Variants in IPO11 observed in about 807,000 individuals in gnomAD.
The protein encoded by IPO11 is importin-11.
A neutral mutation model predicts 143.2 loss-of-function variants in IPO11; 66 were observed. The observed-to-expected ratio is 0.46, with a 90% CI of 0.38 to 0.57. The LOEUF is 0.57. Ranked by LOEUF, IPO11 falls within the 20% of genes least tolerant of loss-of-function variation. The pLI, the probability that IPO11 is intolerant of heterozygous loss-of-function variation, is 0.00. For missense variants in IPO11, 1,026 were observed against 1,141.0 expected (o/e 0.90, Z 1.45); for synonymous variants, 385 against 377.8 (o/e 1.02, Z -0.22).
At chr5:62,413,397 A>G (rs1199481342) in intron 1 of IPO11, 1 of 152,220 alleles carries the variant, frequency 6.6e-6, no homozygotes, top group Non-Finnish European at 1.5e-5. Flanking sequence ...CTTTTAATGA[A>G]AAAGTGAAGG....
At chr5:62,453,676 T>C (rs922803611) in intron 5 of IPO11, among the ~76,000 whole-genome samples, 3 of 152,192 alleles carry the variant, frequency 2.0e-5, no homozygotes, top group East Asian at 1.9e-4. Flanking sequence ...CAATCTGTTA[T>C]ACACAGACTG....
rs1015029424 is a variant in IPO11 at position 62,610,492 on chromosome 5, C to A, written c.2763+8644C>A. Among the ~76,000 whole-genome samples, 5 of 152,242 alleles carry A rather than the reference C, an allele frequency of 3.3e-5. No homozygotes were observed. The South Asian group carries it at 1.0e-3, about 32-fold the overall frequency. ...GTTGTCACTGGTTTGTTGTCACTTA[C>A]GTGTTGGTTATCACATATCACATAT... On this transcript the variant is annotated intron_variant, in intron 29 of 29. Transcript: ENST00000325324.
At chr5:62,475,667 C>T (rs1429427878) in intron 8 of IPO11, among the ~76,000 whole-genome samples, 1 of 152,154 alleles carries the variant, frequency 6.6e-6, no homozygotes, top group Non-Finnish European at 1.5e-5. Context: ...ACTCTTTTCG[C>T]TTTTAGTATT....
At chr5:62,576,248 C>G (rs972332534) in intron 27 of IPO11, 2 of 157,464 alleles carry the variant, frequency 1.3e-5, no homozygotes, top group African/African-American at 4.8e-5. Context: ...CAAAAATGGC[C>G]TTGGATGACA....
In IPO11 at chr5:62,451,881, C is replaced by T. The variant is rs1398152593; in HGVS notation, c.464C>T (p.Thr155Ile). The change falls in exon 5 of 30, where the codon ACC (threonine) becomes ATC (isoleucine). Residue 155 changes from threonine (T) to isoleucine (I), a missense_variant. Coordinates refer to ENST00000325324, the MANE Select transcript of IPO11 (RefSeq NM_016338.5). ...HRALLTFYHV[T>I]KTLASKRLAA... ...GCATTACTTACCTTCTATCATGTTA[C>T]CAAGACACTGGCATCTAAACGACTT... is the stretch of plus-strand genomic sequence containing the variant. 6.2e-7 allele frequency: 1 copy of T among 1,614,074 alleles called. No homozygotes were observed. Among genetic ancestry groups the T allele is most frequent in the Non-Finnish European group, 8.5e-7 (1 of 1,179,926 alleles).
chr5:62,534,703 T>C (rs1742675766), intron 22 of IPO11, among the ~76,000 whole-genome samples: 2 of 152,178 alleles, frequency 1.3e-5, no homozygotes, highest in Non-Finnish European at 2.9e-5. Context: ...TGAGGGACTT[T>C]CCTTTGCATT....
Position 62,561,172 on chromosome 5 carries a change from G to T in IPO11, c.2497G>T (p.Val833Phe), listed in dbSNP as rs780980239. ...QLLGNMIEMW[V>F]DRMDNITQPE... ...TTTGGGAAATATGATTGAAATGTGG[G>T]TTGATCGAATGGACAACATTACCCA... Residue 833 changes from valine (V) to phenylalanine (F), a missense_variant, in exon 27 of 30, where the codon GTT (valine) becomes TTT (phenylalanine). Physicochemically the swap from Val to Phe is conservative, Grantham distance 50. Coordinates refer to ENST00000325324, the MANE Select transcript of IPO11 (RefSeq NM_016338.5). The T allele has an allele frequency of 1.2e-6, 2 of 1,610,234 alleles. No homozygotes were observed. The highest frequency in any genetic ancestry group is 3.4e-5 in the Admixed American group (2 of 59,456).
chr5:62,429,244 C>G (rs1478828154), intron 1 of IPO11, among the ~76,000 whole-genome samples: 3 of 152,104 alleles, frequency 2.0e-5, no homozygotes, highest in African/African-American at 7.2e-5. Flanking sequence ...CTTCATATTT[C>G]ATATAAATGG....
chr5:62,447,697 C>T (rs1435826067), intron 3 of IPO11, among the ~76,000 whole-genome samples: 1 of 151,916 alleles, frequency 6.6e-6, no homozygotes, highest in African/African-American at 2.4e-5. Flanking sequence ...GTGATCCTCC[C>T]ACTGCAGCCT....
At chr5:62,544,188 A>G (rs1267592740) in intron 24 of IPO11, among the ~76,000 whole-genome samples, 1 of 151,314 alleles carries the variant, frequency 6.6e-6, no homozygotes, top group Non-Finnish European at 1.5e-5. Context: ...GATGAACATC[A>G]ATGCAAAAAT....
At chr5:62,609,971 C>T (rs985389852) in intron 29 of IPO11, among the ~76,000 whole-genome samples, 2 of 152,124 alleles carry the variant, frequency 1.3e-5, no homozygotes, top group African/African-American at 2.4e-5. Flanking sequence ...TGGCTGTTGG[C>T]GATACTGTAA....
intron 29 of IPO11, among the ~76,000 whole-genome samples, chr5:62,619,629 G>A (rs566305257): frequency 2.1e-4 from 32 of 152,028 alleles, no homozygotes; most frequent in Non-Finnish European, 3.8e-4. Context: ...CGAGGCAGGC[G>A]GATCACGAGG....
chr5:62,477,326 A>G (rs1382831439), intron 9 of IPO11, among the ~76,000 whole-genome samples: 1 of 152,216 alleles, frequency 6.6e-6, no homozygotes, highest in African/African-American at 2.4e-5. Context: ...TGCTTGCACT[A>G]AAATAGGTAC....
At chr5:62,602,997 C>G (rs928785667) in intron 29 of IPO11, among the ~76,000 whole-genome samples, 1 of 152,130 alleles carries the variant, frequency 6.6e-6, no homozygotes. Context: ...TTTCTTCCCC[C>G]AAAACAATGT....
At chr5:62,537,173 T>C (rs751038011) in intron 23 of IPO11, 36 bp from the exon 24 acceptor site, 6 of 1,220,680 alleles carry the variant, frequency 4.9e-6, no homozygotes, top group Non-Finnish European at 7.2e-6. Context: ...ATTACAGATA[T>C]ATTCTTACAT....
chr5:62,624,546 T>C (rs1413405472), intron 29 of IPO11, among the ~76,000 whole-genome samples: 1 of 152,198 alleles, frequency 6.6e-6, no homozygotes, highest in Non-Finnish European at 1.5e-5. Context: ...AGCCAGCTTC[T>C]TTACCGCAAC....
intron 27 of IPO11, among the ~76,000 whole-genome samples, chr5:62,581,863 G>T (rs1744579048): frequency 6.6e-6 from 1 of 152,158 alleles, no homozygotes; most frequent in Non-Finnish European, 1.5e-5. Context: ...TAACATTTGT[G>T]GAGGTGAGAG....
chr5:62,569,210 C>T (rs192359420), intron 27 of IPO11, among the ~76,000 whole-genome samples: 1 of 152,128 alleles, frequency 6.6e-6, no homozygotes, highest in Admixed American at 6.5e-5. Context: ...TCTCTCTCCC[C>T]CAAGCACACA....
At chr5:62,608,596 C>G (rs147757399) in intron 29 of IPO11, among the ~76,000 whole-genome samples, 65 of 152,314 alleles carry the variant, frequency 4.3e-4, no homozygotes, top group African/African-American at 1.5e-3. Flanking sequence ...CATGCTAGTC[C>G]TCCATCTGGA....
Sources: allele counts gnomAD v4.1 joint callset (sites outside exome capture counted in the v4.1 genomes callset), GRCh38; gene constraint gnomAD v4.1.1; transcripts MANE v1.5; gene names NCBI Gene and HGNC (gene_info 2026-07-23, HGNC 2026-07-21).